The following GLI2 variants were observed in gnomAD, a reference collection of about 807,000 sequenced individuals.
GLI2 encodes transcription activator GLI2.
GLI2 carries 22 observed loss-of-function variants against 78.9 expected under a neutral mutation model. That is an observed-to-expected ratio of 0.28 (90% CI 0.20 to 0.40). The LOEUF (loss-of-function observed/expected upper bound fraction) is 0.40, where lower values mean the gene tolerates loss of function less well. Among genes scored for constraint, GLI2 ranks in the 10% least tolerant of loss-of-function variants. The pLI is 1.00. For synonymous variants in GLI2, 974 were observed against 963.7 expected (o/e 1.01, Z -0.20); for missense variants, 2,097 against 2,213.2 (o/e 0.95, Z 1.05).
intron 3 of GLI2, among the ~76,000 whole-genome samples, 180 bp downstream of exon 3, chr2:120,927,646 C>T (rs1299140631): frequency 3.9e-5 from 6 of 152,178 alleles, no homozygotes; most frequent in African/African-American, 7.2e-5. Flanking sequence ...TGAGCATGTG[C>T]GTGGGCAGTG....
intron 3 of GLI2, among the ~76,000 whole-genome samples, chr2:120,930,230 C>T (rs1467806631): frequency 6.6e-6 from 1 of 152,226 alleles, no homozygotes; most frequent in Non-Finnish European, 1.5e-5. Context: ...ACCCCAACAG[C>T]GATGACTGCC....
rs1413020311 is a variant in GLI2 at position 120,800,564 on chromosome 2, G to A, written c.148+3096G>A. On this transcript the variant is annotated intron_variant, in intron 2 of 13. Transcript: ENST00000361492. The surrounding 1 kb of genome is among the most constrained non-coding windows in gnomAD (Gnocchi z 4.1). ...TTTGTCACACAGGCTGGAGTGCAGT[G>A]GCACGATCTCAGCTCACTGCCAGCT... 1.3e-5 allele frequency among the ~76,000 whole-genome samples: 2 copies of A among 151,868 alleles called. No homozygotes were observed. The highest frequency in any genetic ancestry group is 2.9e-5 in the Non-Finnish European group (2 of 67,972).
rs143858807 is a variant in GLI2, at chr2:120,986,887, C to A, written c.2242+273C>A. 8.5e-5 allele frequency among the ~76,000 whole-genome samples: 13 copies of A among 152,386 alleles called. No individual in the cohort carries two copies. The East Asian group carries it at 2.5e-3, about 29-fold the overall frequency. On this transcript the variant is annotated intron_variant, in intron 13 of 13. Transcript: ENST00000361492. ...ACAAGCAGACCCTGCGCACATCATC[C>A]TCTTCCTCACCCATTCATTCCTTCA...
chr2:120,944,396 A>G (rs6744981), intron 3 of GLI2, among the ~76,000 whole-genome samples: 127,191 of 152,168 alleles, frequency 0.84, 57,258 homozygotes, highest in East Asian at 1. Context: ...CCCCACCTGC[A>G]GGCAAGGGAT....
At chr2:120,988,154 A>T (rs1286895756) in intron 13 of GLI2, 54 bp from the exon 14 acceptor site, 1 of 1,513,128 alleles carries the variant, frequency 6.6e-7, no homozygotes, top group Non-Finnish European at 8.9e-7. Context: ...AGCACGGTCA[A>T]AGCAAGCAGC....
At chr2:120,983,317 C>T (rs910863812) in intron 11 of GLI2, among the ~76,000 whole-genome samples, 4 of 152,072 alleles carry the variant, frequency 2.6e-5, no homozygotes, top group Non-Finnish European at 5.9e-5. Context: ...GATGAGGAAA[C>T]GAAGACTCAG....
At chr2:120,927,151 A>T (rs1679719765) in intron 2 of GLI2, among the ~76,000 whole-genome samples, 1 of 152,134 alleles carries the variant, frequency 6.6e-6, no homozygotes, top group Non-Finnish European at 1.5e-5. Context: ...GCAGTTGGGG[A>T]TCTTTTATGT....
At chr2:120,839,674 C>T (rs1334857911) in intron 2 of GLI2, among the ~76,000 whole-genome samples, 2 of 152,084 alleles carry the variant, frequency 1.3e-5, no homozygotes, top group East Asian at 1.9e-4. Flanking sequence ...GAGATTCTCC[C>T]GCCTCAGCCA....
rs527463058 is a variant in GLI2 at position 120,955,217 on chromosome 2, G to C, written c.458-28G>C. On this transcript the variant is annotated intron_variant, in intron 4 of 13. Coordinates refer to ENST00000361492, the MANE Select transcript of GLI2 (RefSeq NM_001374353.1). Reference sequence around the variant, plus strand: ...GGCACAGCCAGTGCCAGGTTCTGACGGCTTCTTTCTCTCCCCTCTGCCCAC... The same window carrying C: ...GGCACAGCCAGTGCCAGGTTCTGACCGCTTCTTTCTCTCCCCTCTGCCCAC... 1.7e-4 allele frequency: 219 copies of C among 1,326,562 alleles called. 2 individuals are homozygous for C. In the South Asian group the frequency reaches 2.2e-3, roughly 14 times the overall value. The allele number at this position is 1,326,562 out of a possible 1,614,324, so 82.2% of individuals were successfully genotyped here. A position where few individuals can be genotyped will look rare whatever the true frequency, so the allele number is the denominator to read the frequency against.
At chr2:120,963,695 C>T (rs981852435) in intron 5 of GLI2, among the ~76,000 whole-genome samples, 1 of 152,246 alleles carries the variant, frequency 6.6e-6, no homozygotes, top group Admixed American at 6.5e-5. Context: ...TCCCTGCCCC[C>T]TGAGACACCT....
chr2:120,947,203 C>T (rs549363182), intron 3 of GLI2, among the ~76,000 whole-genome samples: 1 of 152,342 alleles, frequency 6.6e-6, no homozygotes, highest in Admixed American at 6.5e-5. Context: ...CAAGAACGCC[C>T]ACTTCCCTGC....
intron 2 of GLI2, among the ~76,000 whole-genome samples, chr2:120,924,412 G>A (rs560183219): frequency 2.2e-4 from 34 of 152,236 alleles, no homozygotes; most frequent in African/African-American, 7.0e-4. Context: ...TGGCACTGTC[G>A]TTTTTTAGTC....
chr2:120,931,636 C>A (rs1284936530), intron 3 of GLI2, among the ~76,000 whole-genome samples: 1 of 152,202 alleles, frequency 6.6e-6, no homozygotes. Context: ...GCAGGCCAGG[C>A]ACGGCCCTGG....
chr2:120,978,131 A>G (rs1254283980), intron 9 of GLI2, among the ~76,000 whole-genome samples: 1 of 152,164 alleles, frequency 6.6e-6, no homozygotes, highest in Non-Finnish European at 1.5e-5. Flanking sequence ...TGATTGGAAA[A>G]TGCAGGGCAG....
chr2:120,780,072 T>G (rs1226540074), intron 1 of GLI2, among the ~76,000 whole-genome samples: 1 of 152,132 alleles, frequency 6.6e-6, no homozygotes, highest in East Asian at 1.9e-4. Flanking sequence ...TCTTTTTTTT[T>G]TTTCTTCATG....
At chr2:120,788,946 C>T (rs1169289453) in intron 1 of GLI2, among the ~76,000 whole-genome samples, 1 of 152,050 alleles carries the variant, frequency 6.6e-6, no homozygotes, top group Non-Finnish European at 1.5e-5. Flanking sequence ...TCCTAAACTT[C>T]AGTCTCCTCC....
chr2:120,835,957 G>T (rs982741666), intron 2 of GLI2, among the ~76,000 whole-genome samples: 1 of 152,096 alleles, frequency 6.6e-6, no homozygotes, highest in African/African-American at 2.4e-5. Flanking sequence ...TTCTGCCCTG[G>T]ATGCAGACAT....
intron 3 of GLI2, among the ~76,000 whole-genome samples, chr2:120,935,222 G>T (rs1020020867): frequency 6.6e-6 from 1 of 152,198 alleles, no homozygotes; most frequent in Non-Finnish European, 1.5e-5. Context: ...TCACCCACCA[G>T]GCAACTTGTC....
At chr2:120,947,585 C>T (rs769894014) in intron 3 of GLI2, among the ~76,000 whole-genome samples, 1 of 152,000 alleles carries the variant, frequency 6.6e-6, no homozygotes, top group African/African-American at 2.4e-5. Flanking sequence ...CCCTGGGTTT[C>T]CAGGCCAGCA....
Sources: gnomAD v4.1 joint callset for allele counts (sites outside exome capture counted in the v4.1 genomes callset) on GRCh38, gnomAD v4.1.1 for gene constraint, Gnocchi (gnomAD v3.1) non-coding constraint, MANE v1.5 for transcripts, NCBI Gene and HGNC (gene_info 2026-07-23, HGNC 2026-07-21) for gene names.